LHFPL3: variants seen among roughly 807,000 people sequenced by gnomAD.
LHFPL3 encodes LHFPL tetraspan subfamily member 3 protein.
In LHFPL3, 5 loss-of-function variants were observed where a neutral mutation model predicts 19.3. The observed-to-expected ratio is 0.26, with a 90% CI of 0.14 to 0.54. The LOEUF (loss-of-function observed/expected upper bound fraction) is 0.54. Among genes scored for constraint, LHFPL3 ranks in the 20% least tolerant of loss-of-function variants. The pLI is 0.94. For synonymous variants in LHFPL3, 133 were observed against 126.2 expected (o/e 1.05, Z -0.36); for missense variants, 249 against 307.4 (o/e 0.81, Z 1.42).
In LHFPL3 at chr7:104,568,949, AGAAAGGCTAACATAATTATGTTT is replaced by A. The variant is rs575612142; in HGVS notation, c.446-167722_446-167700del. Among the ~76,000 whole-genome samples the A allele has an allele frequency of 6.5e-3, 996 of 152,362 alleles. 4 individuals are homozygous for A. The highest frequency in any genetic ancestry group is 0.024 in the Middle Eastern group (7 of 294). ...AAGCATGTATTTAATTATATGAAAG[AGAAAGGCTAACATAATTATGTTT>A]GAACAAAAGCAAAATAAGATCTCCC... On this transcript the variant is annotated intron_variant, in intron 1 of 2. Transcript: ENST00000424859.
At chr7:104,748,871 G>C (rs1430982140) in intron 2 of LHFPL3, among the ~76,000 whole-genome samples, 3 of 152,176 alleles carry the variant, frequency 2.0e-5, no homozygotes, top group African/African-American at 7.2e-5. Flanking sequence ...AGGTGTGGAG[G>C]GGCAACCCAC....
intron 1 of LHFPL3, among the ~76,000 whole-genome samples, chr7:104,436,383 A>G (rs1792106338): frequency 6.6e-6 from 1 of 152,188 alleles, no homozygotes; most frequent in African/African-American, 2.4e-5. Flanking sequence ...GAAACTGATC[A>G]TCACAGAGAG....
intron 2 of LHFPL3, among the ~76,000 whole-genome samples, chr7:104,750,718 A>G (rs1001752014): frequency 6.6e-5 from 10 of 152,150 alleles, no homozygotes; most frequent in Non-Finnish European, 1.5e-4. Flanking sequence ...CAATTGTTGT[A>G]TTGTGGTAAC....
Position 104,328,679 on chromosome 7 carries a change from A to G in LHFPL3, c.-101A>G. 1.0e-6 allele frequency: 1 copy of G among 985,850 alleles called. No individual in the cohort carries two copies. The highest frequency in any genetic ancestry group is 1.5e-5 in the South Asian group (1 of 65,386). 61.1% of individuals were successfully genotyped at this position (985,850 alleles called of 1,614,324 possible). The stretch of plus-strand genomic sequence containing the variant: ...TGCTGGGCTGAGGCGGAGGCAGGGG[A>G]GTTGCAGCGCGCGAGGCTCCGTGAG... On this transcript the variant is annotated 5_prime_UTR_variant, in exon 1 of 3. Coordinates refer to ENST00000424859, the MANE Select transcript of LHFPL3 (RefSeq NM_199000.3). The surrounding 1 kb of genome is among the most constrained non-coding windows in gnomAD (Gnocchi z 4.6).
chr7:104,885,143 AT>A (rs1345130820), intron 2 of LHFPL3, among the ~76,000 whole-genome samples: 3 of 152,250 alleles, frequency 2.0e-5, no homozygotes, highest in Non-Finnish European at 2.9e-5. Flanking sequence ...TGAGACTTCG[AT>A]TTTATTTGCT....
chr7:104,615,447 A>G (rs1237949407), intron 1 of LHFPL3, among the ~76,000 whole-genome samples: 1 of 152,194 alleles, frequency 6.6e-6, no homozygotes, highest in Non-Finnish European at 1.5e-5. Context: ...AATAGTTCTA[A>G]CAGAAGAGTT....
intron 1 of LHFPL3, among the ~76,000 whole-genome samples, chr7:104,607,691 A>G (rs1791129170): frequency 6.6e-6 from 1 of 152,198 alleles, no homozygotes; most frequent in South Asian, 2.1e-4. Flanking sequence ...AAAAGAAACT[A>G]CCGTCAGAGT....
intron 1 of LHFPL3, among the ~76,000 whole-genome samples, chr7:104,445,338 C>T (rs1792310784): frequency 6.6e-6 from 1 of 152,194 alleles, no homozygotes. Flanking sequence ...CTGGATCCAT[C>T]TGCAGCTTCC....
chr7:104,439,542 A>G (rs1410044984), intron 1 of LHFPL3, among the ~76,000 whole-genome samples: 1 of 152,272 alleles, frequency 6.6e-6, no homozygotes, highest in African/African-American at 2.4e-5. Context: ...CTAAAATACC[A>G]TATGATTATC....
At chr7:104,442,149 G>A (rs1305222194) in intron 1 of LHFPL3, among the ~76,000 whole-genome samples, 1 of 151,658 alleles carries the variant, frequency 6.6e-6, no homozygotes, top group Non-Finnish European at 1.5e-5. Flanking sequence ...CTGATGATTA[G>A]GGATGCTGAG....
chr7:104,630,935 A>T (rs1791627974), intron 1 of LHFPL3, among the ~76,000 whole-genome samples: 1 of 152,096 alleles, frequency 6.6e-6, no homozygotes, highest in Non-Finnish European at 1.5e-5. Context: ...TCCATACCTG[A>T]TTGGAAAGGA....
chr7:104,404,304 T>G (rs1055027987), intron 1 of LHFPL3, among the ~76,000 whole-genome samples: 1 of 152,258 alleles, frequency 6.6e-6, no homozygotes, highest in African/African-American at 2.4e-5. Flanking sequence ...GTTTAAAAAT[T>G]TGAAACTAAA....
At chr7:104,583,315 A>G (rs10155990) in intron 1 of LHFPL3, among the ~76,000 whole-genome samples, 28,314 of 151,956 alleles carry the variant, frequency 0.19, 2,801 homozygotes, top group East Asian at 0.38. Context: ...TTAATTCAAG[A>G]TGGATTAAAG....
chr7:104,614,653 C>CTTCTCTTCT (rs1554415305), intron 1 of LHFPL3, among the ~76,000 whole-genome samples: 3 of 51,530 alleles, frequency 5.8e-5, no homozygotes, highest in Middle Eastern at 7.4e-3. Context: ...CTTCTCTTCT[C>CTTCTCTTCT]TCCTTCCTTC....
intron 2 of LHFPL3, among the ~76,000 whole-genome samples, chr7:104,798,005 A>G (rs1432735490): frequency 6.6e-6 from 1 of 150,926 alleles, no homozygotes; most frequent in Non-Finnish European, 1.5e-5. Flanking sequence ...TTTGGCATCT[A>G]GTCCTAGGTG....
chr7:104,498,550 G>A (rs1475410635), intron 1 of LHFPL3, among the ~76,000 whole-genome samples: 1 of 146,574 alleles, frequency 6.8e-6, no homozygotes, highest in Non-Finnish European at 1.5e-5. Context: ...AGGTTTGAGT[G>A]CAGGGTCTCA....
intron 1 of LHFPL3, among the ~76,000 whole-genome samples, chr7:104,503,894 A>G (rs1793650016): frequency 6.6e-6 from 1 of 152,128 alleles, no homozygotes. Flanking sequence ...AAGTCCACCC[A>G]ACATTTATTT....
At chr7:104,795,466 T>C (rs770690352) in intron 2 of LHFPL3, among the ~76,000 whole-genome samples, 4 of 152,214 alleles carry the variant, frequency 2.6e-5, no homozygotes, top group Non-Finnish European at 5.9e-5. Flanking sequence ...TCTAACAGTT[T>C]GTATGCCTCA....
intron 1 of LHFPL3, among the ~76,000 whole-genome samples, chr7:104,592,920 C>A (rs1790757249): frequency 6.6e-6 from 1 of 152,192 alleles, no homozygotes; most frequent in Non-Finnish European, 1.5e-5. Context: ...AGGTTATAAT[C>A]TCCCGGTGTG....
Sources: allele counts gnomAD v4.1 joint callset (sites outside exome capture counted in the v4.1 genomes callset), GRCh38; gene constraint gnomAD v4.1.1; non-coding constraint Gnocchi (gnomAD v3.1); transcripts MANE v1.5; gene names NCBI Gene and HGNC (gene_info 2026-07-23, HGNC 2026-07-21).